Variants in CADM2 observed in about 807,000 individuals in gnomAD.
CADM2 encodes immunoglobulin superfamily member 4D.
Under a neutral mutation model 49.8 loss-of-function variants are expected in CADM2, and 12 were observed. That is an observed-to-expected ratio of 0.24 (90% CI 0.15 to 0.39). The LOEUF is 0.39. Among genes scored for constraint, CADM2 ranks in the 10% least tolerant of loss-of-function variants. The probability of loss-of-function intolerance (pLI) is 1.00; values close to 1 mark genes in which losing one functional copy is unlikely to be tolerated. For synonymous variants in CADM2, 214 were observed against 175.4 expected (o/e 1.22, Z -1.74); for missense variants, 378 against 492.3 (o/e 0.77, Z 2.20).
At chr3:85,755,171 T>G (rs7653685) in intron 2 of CADM2, among the ~76,000 whole-genome samples, 1 of 152,238 alleles carries the variant, frequency 6.6e-6, no homozygotes, top group African/African-American at 2.4e-5. Context: ...GCCAAAGTTA[T>G]GGTATCCTCA....
At chr3:85,366,767 T>C (rs1208232620) in intron 1 of CADM2, among the ~76,000 whole-genome samples, 4 of 152,148 alleles carry the variant, frequency 2.6e-5, no homozygotes, top group African/African-American at 7.2e-5. Context: ...GAATGACATA[T>C]AATTTTTAAT....
At chr3:85,145,408 G>A (rs887791810) in intron 1 of CADM2, among the ~76,000 whole-genome samples, 2 of 151,878 alleles carry the variant, frequency 1.3e-5, no homozygotes, top group African/African-American at 2.4e-5. Flanking sequence ...AAATAAGGAT[G>A]ACTTTTTTTC....
At chr3:85,462,425 C>A (rs991030072) in intron 1 of CADM2, among the ~76,000 whole-genome samples, 1 of 152,248 alleles carries the variant, frequency 6.6e-6, no homozygotes, top group East Asian at 1.9e-4. Context: ...AAGTCACCCA[C>A]AAATGTTATT....
At chr3:85,838,544 T>A (rs2074501559) in intron 3 of CADM2, among the ~76,000 whole-genome samples, 2 of 151,860 alleles carry the variant, frequency 1.3e-5, no homozygotes, top group Non-Finnish European at 2.9e-5. Context: ...TTATTTGAGG[T>A]GCTCTGGTTA....
chr3:85,295,798 G>A (rs1576303490), intron 1 of CADM2, among the ~76,000 whole-genome samples: 1 of 151,856 alleles, frequency 6.6e-6, no homozygotes, highest in African/African-American at 2.4e-5. Context: ...GAGAGGGGAG[G>A]GATAGCATTG....
intron 1 of CADM2, among the ~76,000 whole-genome samples, chr3:85,109,609 CTTG>C (rs932473920): frequency 1.3e-5 from 2 of 151,880 alleles, no homozygotes; most frequent in Non-Finnish European, 2.9e-5. Flanking sequence ...AATTTATCTT[CTTG>C]TTATGAGGGA....
chr3:85,738,489 C>A (rs574743051), intron 2 of CADM2, among the ~76,000 whole-genome samples: 1 of 152,292 alleles, frequency 6.6e-6, no homozygotes, highest in Admixed American at 6.5e-5. Flanking sequence ...TGGGATTTTT[C>A]ACACTCAAAT....
At chr3:85,823,233 T>G (rs1428801045) in intron 3 of CADM2, among the ~76,000 whole-genome samples, 1 of 152,168 alleles carries the variant, frequency 6.6e-6, no homozygotes, top group Non-Finnish European at 1.5e-5. Flanking sequence ...ATATAACAAT[T>G]TTGTATTTAA....
At chr3:85,848,187 T>C (rs1478317990) in intron 3 of CADM2, among the ~76,000 whole-genome samples, 4 of 151,988 alleles carry the variant, frequency 2.6e-5, no homozygotes, top group Non-Finnish European at 5.9e-5. Flanking sequence ...AGCAAGAAAA[T>C]GTATTTATCT....
At chr3:85,809,767 T>C (rs567968599) in intron 3 of CADM2, among the ~76,000 whole-genome samples, 165 of 27,332 alleles carry the variant, frequency 6.0e-3, no homozygotes, top group Middle Eastern at 0.029. Flanking sequence ...TCCCTCCCTC[T>C]CTCTCTCTCT....
chr3:86,014,311 T>C, intron 8 of CADM2: 1 of 1,367,032 alleles, frequency 7.3e-7, no homozygotes, highest in East Asian at 2.3e-5. Context: ...GTCCTATCTT[T>C]TACAAGAGCC....
chr3:85,597,435 C>T (rs147465760), intron 1 of CADM2, among the ~76,000 whole-genome samples: 53 of 152,118 alleles, frequency 3.5e-4, no homozygotes, highest in African/African-American at 1.1e-3. Context: ...TTTATCTCTT[C>T]GCAAATCACA....
At chr3:85,010,851 CTTTTTTTT>C (rs71105001) in intron 1 of CADM2, among the ~76,000 whole-genome samples, 5 of 35,688 alleles carry the variant, frequency 1.4e-4, no homozygotes, top group African/African-American at 2.6e-4. Context: ...CTGTTTATGT[CTTTTTTTT>C]TTTTTTTTTT....
chr3:85,852,808 T>C (rs2075160614), intron 3 of CADM2, among the ~76,000 whole-genome samples: 1 of 152,066 alleles, frequency 6.6e-6, no homozygotes, highest in South Asian at 2.1e-4. Context: ...CTTATTTGCT[T>C]ACAGATGATT....
intron 1 of CADM2, among the ~76,000 whole-genome samples, chr3:85,325,650 A>C (rs968755778): frequency 6.7e-6 from 1 of 148,748 alleles, no homozygotes; most frequent in Non-Finnish European, 1.5e-5. Context: ...AGATTGTGCC[A>C]TTGCACTCCA....
chr3:85,658,769 A>G (rs1275744997), intron 1 of CADM2, among the ~76,000 whole-genome samples: 1 of 150,790 alleles, frequency 6.6e-6, no homozygotes, highest in Non-Finnish European at 1.5e-5. Context: ...TACTGGATCA[A>G]GCTGGACATG....
intron 1 of CADM2, among the ~76,000 whole-genome samples, chr3:85,651,919 G>A (rs568251661): frequency 1.3e-4 from 20 of 148,206 alleles, no homozygotes; most frequent in South Asian, 8.6e-4. Flanking sequence ...CCCGGTTCAC[G>A]CCATTCTCTT....
At chr3:85,151,268 C>G (rs889072840) in intron 1 of CADM2, among the ~76,000 whole-genome samples, 2 of 152,012 alleles carry the variant, frequency 1.3e-5, no homozygotes, top group African/African-American at 2.4e-5. Flanking sequence ...CCTAGCCTTT[C>G]CGTTCTACTG....
chr3:85,904,036 A>G (rs1479304309), intron 5 of CADM2, among the ~76,000 whole-genome samples: 1 of 152,066 alleles, frequency 6.6e-6, no homozygotes, highest in Non-Finnish European at 1.5e-5. Context: ...TATCTCATCT[A>G]AACACAAGGG....
Sources: allele counts gnomAD v4.1 joint callset (sites outside exome capture counted in the v4.1 genomes callset), GRCh38; gene constraint gnomAD v4.1.1; transcripts MANE v1.5; gene names NCBI Gene and HGNC (gene_info 2026-07-23, HGNC 2026-07-21).